Variants in UMAD1 observed in about 807,000 individuals in gnomAD.
UMAD1 encodes the protein UBAP1-MVB12-associated (UMA)-domain containing protein 1.
Under a neutral mutation model 6.1 loss-of-function variants are expected in UMAD1, and 8 were observed. The observed-to-expected ratio is 1.30, with a 90% CI of 0.76 to 2.35. The LOEUF (loss-of-function observed/expected upper bound fraction) is 2.35. Among genes scored for constraint, UMAD1 ranks in the 30% most tolerant of loss-of-function variants. The pLI, the probability that UMAD1 is intolerant of heterozygous loss-of-function variation, is 0.00. For synonymous variants in UMAD1, 56 were observed against 31.4 expected (o/e 1.78, Z -2.61); for missense variants, 130 against 78.4 (o/e 1.66, Z -2.49).
intron 2 of UMAD1, among the ~76,000 whole-genome samples, chr7:7,687,827 G>T (rs1205279880): frequency 6.6e-6 from 1 of 152,126 alleles, no homozygotes; most frequent in Admixed American, 6.5e-5. Flanking sequence ...AGGAGTAATT[G>T]CTCTGAAAAT....
intron 2 of UMAD1, among the ~76,000 whole-genome samples, chr7:7,743,510 ATTGAT>A (rs1249806756): frequency 1.3e-5 from 2 of 152,040 alleles, no homozygotes; most frequent in Non-Finnish European, 2.9e-5. Flanking sequence ...TTTTTAACTG[ATTGAT>A]TTATTTCAAT....
At position 7,804,118 on chromosome 7, in the gene UMAD1, G is replaced by A. The variant is rs927101210; in HGVS notation, c.156+2375G>A. 2.6e-5 allele frequency among the ~76,000 whole-genome samples: 4 copies of A among 152,162 alleles called. No homozygotes were observed. In the East Asian group the frequency reaches 7.7e-4, roughly 29 times the overall value. On this transcript the variant is annotated intron_variant, in intron 3 of 3. Transcript: ENST00000682710. ...GGATGTACATACTCATGCAGTAACA[G>A]ATGTTTCAAAAGTGCCTTCTATGCA...
At chr7:7,816,060 T>C (rs1175268554) in intron 3 of UMAD1, among the ~76,000 whole-genome samples, 1 of 152,164 alleles carries the variant, frequency 6.6e-6, no homozygotes, top group East Asian at 1.9e-4. Flanking sequence ...TTGGATAAGC[T>C]AAGCACAATG....
At chr7:7,802,591 A>G (rs564887048) in intron 3 of UMAD1, among the ~76,000 whole-genome samples, 6 of 152,230 alleles carry the variant, frequency 3.9e-5, no homozygotes, top group Non-Finnish European at 5.9e-5. Flanking sequence ...CACCAAAATA[A>G]TCATCTTTAA....
intron 1 of UMAD1, among the ~76,000 whole-genome samples, chr7:7,669,329 C>G (rs904340969): frequency 6.6e-6 from 1 of 152,094 alleles, no homozygotes; most frequent in African/African-American, 2.4e-5. Context: ...TTCCCCTTCG[C>G]CTTTCCAGTT....
chr7:7,803,092 C>G (rs1271271867), intron 3 of UMAD1, among the ~76,000 whole-genome samples: 3 of 152,170 alleles, frequency 2.0e-5, no homozygotes, highest in Non-Finnish European at 4.4e-5. Context: ...GTGCATGGAG[C>G]TGAATATATA....
At chr7:7,826,846 C>T (rs1053091149) in intron 3 of UMAD1, among the ~76,000 whole-genome samples, 3 of 152,130 alleles carry the variant, frequency 2.0e-5, no homozygotes, top group African/African-American at 2.4e-5. Context: ...GAAGAAGAAA[C>T]GTCCACCAAT....
At chr7:7,872,821 A>G (rs1400436698) in intron 3 of UMAD1, among the ~76,000 whole-genome samples, 1 of 152,264 alleles carries the variant, frequency 6.6e-6, no homozygotes, top group Non-Finnish European at 1.5e-5. Flanking sequence ...AGAACATTCT[A>G]TACACAACCA....
chr7:7,843,671 A>G (rs1039088339), intron 3 of UMAD1, among the ~76,000 whole-genome samples: 4 of 152,128 alleles, frequency 2.6e-5, no homozygotes, highest in African/African-American at 7.2e-5. Flanking sequence ...TAAACTTAAG[A>G]CCCAGTAAAA....
chr7:7,832,038 T>C (rs1011085060), intron 3 of UMAD1, among the ~76,000 whole-genome samples: 1 of 152,212 alleles, frequency 6.6e-6, no homozygotes, highest in African/African-American at 2.4e-5. Flanking sequence ...AAACTTCTTT[T>C]GAAAAACGCT....
At chr7:7,668,744 G>T (rs1262614878) in intron 1 of UMAD1, among the ~76,000 whole-genome samples, 2 of 152,168 alleles carry the variant, frequency 1.3e-5, no homozygotes, top group Non-Finnish European at 2.9e-5. Flanking sequence ...GAATGTTAGT[G>T]ATACATACAT....
At chr7:7,646,875 C>T (rs1420321989) in intron 1 of UMAD1, among the ~76,000 whole-genome samples, 1 of 152,052 alleles carries the variant, frequency 6.6e-6, no homozygotes, top group Non-Finnish European at 1.5e-5. Flanking sequence ...TATATGGGCA[C>T]AGAATAGGGG....
At chr7:7,848,099 G>C (rs1318157128) in intron 3 of UMAD1, among the ~76,000 whole-genome samples, 1 of 152,112 alleles carries the variant, frequency 6.6e-6, no homozygotes, top group East Asian at 1.9e-4. Context: ...ACCTGGCATA[G>C]TATTTTGAAA....
chr7:7,837,547 A>G (rs1563247830), intron 3 of UMAD1, among the ~76,000 whole-genome samples: 1 of 152,138 alleles, frequency 6.6e-6, no homozygotes, highest in Non-Finnish European at 1.5e-5. Context: ...CCACTGACTA[A>G]GTATGCATGT....
At chr7:7,724,133 G>A (rs1219840622) in intron 2 of UMAD1, among the ~76,000 whole-genome samples, 4 of 152,118 alleles carry the variant, frequency 2.6e-5, no homozygotes, top group Non-Finnish European at 5.9e-5. Context: ...CCCCCAAGGA[G>A]ACCTCCAGCC....
chr7:7,863,760 T>C (rs1166491431), intron 3 of UMAD1, among the ~76,000 whole-genome samples: 1 of 152,158 alleles, frequency 6.6e-6, no homozygotes, highest in Non-Finnish European at 1.5e-5. Flanking sequence ...GATAGTGTAA[T>C]AGCTAAGATG....
At chr7:7,796,479 A>C (rs1782684307) in intron 2 of UMAD1, among the ~76,000 whole-genome samples, 1 of 151,900 alleles carries the variant, frequency 6.6e-6, no homozygotes, top group Admixed American at 6.5e-5. Flanking sequence ...TCGAACTCCC[A>C]ACCTCAGGTG....
chr7:7,814,970 T>G (rs4725036), intron 3 of UMAD1, among the ~76,000 whole-genome samples: 1 of 151,984 alleles, frequency 6.6e-6, no homozygotes, highest in African/African-American at 2.4e-5. Context: ...CTTGCAAGTC[T>G]CACTACTTGT....
At chr7:7,700,317 C>G (rs1780428240) in intron 2 of UMAD1, among the ~76,000 whole-genome samples, 1 of 152,120 alleles carries the variant, frequency 6.6e-6, no homozygotes, top group Admixed American at 6.5e-5. Flanking sequence ...ACCAAAGTAC[C>G]TCCCAAAGGT....
Sources: gnomAD v4.1 joint callset for allele counts (sites outside exome capture counted in the v4.1 genomes callset) on GRCh38, gnomAD v4.1.1 for gene constraint, MANE v1.5 for transcripts, NCBI Gene and HGNC (gene_info 2026-07-23, HGNC 2026-07-21) for gene names.